Variants in SUCLG1 observed in about 807,000 individuals in gnomAD.
SUCLG1 encodes the protein succinate--CoA ligase [ADP/GDP-forming] subunit alpha, mitochondrial.
SUCLG1 carries 26 observed loss-of-function variants against 37.3 expected under a neutral mutation model. That is an observed-to-expected ratio of 0.70 (90% CI 0.51 to 0.97). SUCLG1 has a LOEUF of 0.97. Among genes scored for constraint, SUCLG1 ranks in the 50% least tolerant of loss-of-function variants. SUCLG1 has a pLI of 0.00. For synonymous variants in SUCLG1, 163 were observed against 155.6 expected (o/e 1.05, Z -0.36); for missense variants, 433 against 432.9 (o/e 1.00, Z 0.00).
intron 5 of SUCLG1, among the ~76,000 whole-genome samples, chr2:84,440,327 C>A (rs1315093553): frequency 2.0e-5 from 3 of 152,150 alleles, no homozygotes; most frequent in Admixed American, 6.5e-5. Context: ...AAGCCGAGAT[C>A]GAGCCATTGC....
Position 84,425,616 on chromosome 2 carries a change from T to C in SUCLG1, c.826-13A>G. On this transcript the variant is annotated splice_polypyrimidine_tract_variant and intron_variant, in intron 7 of 8. Transcript: ENST00000393868. ...TGGAATTTGGACCCTAGAAAGAAAG[T>C]AATATTTTAAATGCTCTAATGAAGA... is the stretch of plus-strand genomic sequence containing the variant. 3 of 1,613,948 alleles carry C rather than the reference T, an allele frequency of 1.9e-6. No individual in the cohort carries two copies. The highest frequency in any genetic ancestry group is 3.3e-5 in the Admixed American group (2 of 60,018).
intron 1 of SUCLG1, among the ~76,000 whole-genome samples, chr2:84,450,524 G>C (rs913793072): frequency 1.3e-5 from 2 of 151,936 alleles, no homozygotes; most frequent in South Asian, 2.1e-4. Context: ...CACAGTAGGA[G>C]GAACATAGAT....
chr2:84,452,159 T>G (rs898380176), intron 1 of SUCLG1, among the ~76,000 whole-genome samples: 38 of 151,392 alleles, frequency 2.5e-4, no homozygotes, highest in African/African-American at 9.2e-4. Flanking sequence ...GGGCCATAAC[T>G]GCGTGGTGTG....
intron 7 of SUCLG1, chr2:84,425,824 T>C (rs966075235): frequency 1.7e-6 from 1 of 574,682 alleles, no homozygotes; most frequent in Non-Finnish European, 3.1e-6. Flanking sequence ...ACTGTGCCAA[T>C]GTCCGTATCT....
chr2:84,431,917 CCT>C (rs893043013), intron 6 of SUCLG1, among the ~76,000 whole-genome samples: 15 of 152,194 alleles, frequency 9.9e-5, no homozygotes, highest in African/African-American at 3.4e-4. Flanking sequence ...CGAAGACAAC[CCT>C]CTTTTTGTTT....
intron 1 of SUCLG1, among the ~76,000 whole-genome samples, chr2:84,453,508 G>C (rs962482007): frequency 6.6e-6 from 1 of 151,766 alleles, no homozygotes; most frequent in Non-Finnish European, 1.5e-5. Context: ...TCCACCTCTC[G>C]GGTTCAAGCA....
chr2:84,441,566 T>A, intron 3 of SUCLG1, 107 bp from the exon 4 acceptor site: 2 of 1,234,566 alleles, frequency 1.6e-6, no homozygotes, highest in Non-Finnish European at 2.3e-6. Context: ...AAAAGGACAC[T>A]ACCCAGAGAC....
chr2:84,444,537 A>ACCACAGGT (rs1485189273), intron 2 of SUCLG1, among the ~76,000 whole-genome samples: 2 of 152,212 alleles, frequency 1.3e-5, no homozygotes, highest in African/African-American at 4.8e-5. Flanking sequence ...GGACCACAGG[A>ACCACAGGT]CCACAGGACC....
intron 1 of SUCLG1, among the ~76,000 whole-genome samples, chr2:84,456,867 T>C (rs1673028753): frequency 6.6e-6 from 1 of 152,136 alleles, no homozygotes; most frequent in Admixed American, 6.5e-5. Flanking sequence ...TTTCACCATC[T>C]TGGCCAGGCT....
chr2:84,423,818 A>T, intron 8 of SUCLG1, 46 bp from the exon 9 acceptor site: 3 of 1,571,800 alleles, frequency 1.9e-6, no homozygotes, highest in Non-Finnish European at 2.6e-6. Context: ...ATGAATAAAG[A>T]TAAAAGATCC....
chr2:84,457,538 C>T (rs929239391), intron 1 of SUCLG1, among the ~76,000 whole-genome samples: 1 of 152,114 alleles, frequency 6.6e-6, no homozygotes, highest in African/African-American at 2.4e-5. Flanking sequence ...GGAACTAGAT[C>T]TTTTAGACAC....
chr2:84,457,110 G>C (rs1673032440), intron 1 of SUCLG1, among the ~76,000 whole-genome samples: 1 of 152,158 alleles, frequency 6.6e-6, no homozygotes, highest in Admixed American at 6.6e-5. Flanking sequence ...AAACTTAACA[G>C]AGGGAACAAA....
At chr2:84,427,379 A>G (rs2104238972) in intron 7 of SUCLG1, among the ~76,000 whole-genome samples, 1 of 152,324 alleles carries the variant, frequency 6.6e-6, no homozygotes, top group Admixed American at 6.5e-5. Context: ...AAAACTCATT[A>G]ATCTGTCTTG....
intron 2 of SUCLG1, chr2:84,448,985 C>G (rs746423666): frequency 1.1e-4 from 42 of 383,670 alleles, no homozygotes; most frequent in Non-Finnish European, 2.2e-4. Context: ...AAAGAAGATT[C>G]TTATGTGGCA....
intron 1 of SUCLG1, among the ~76,000 whole-genome samples, chr2:84,450,412 G>GAAAA (rs79027896): frequency 9.7e-6 from 1 of 103,426 alleles, no homozygotes; most frequent in African/African-American, 3.8e-5. Context: ...AGCTTGTTAG[G>GAAAA]AAAAAAAAAA....
At chr2:84,447,309 C>CAAAA (rs34028894) in intron 2 of SUCLG1, among the ~76,000 whole-genome samples, 1 of 151,224 alleles carries the variant, frequency 6.6e-6, no homozygotes, top group African/African-American at 2.4e-5. Context: ...TTAAAAACAA[C>CAAAA]AAAAAAAAGG....
At chr2:84,435,317 T>G (rs1333370344) in intron 5 of SUCLG1, among the ~76,000 whole-genome samples, 1 of 152,244 alleles carries the variant, frequency 6.6e-6, no homozygotes, top group Non-Finnish European at 1.5e-5. Flanking sequence ...AATTTCCTTC[T>G]CTAAATCTCC....
At chr2:84,432,211 C>G in intron 6 of SUCLG1, 1 of 161,742 alleles carries the variant, frequency 6.2e-6, no homozygotes, top group Non-Finnish European at 1.3e-5. Flanking sequence ...GCATGCATAT[C>G]AGAGCCATAC....
chr2:84,428,556 C>G (rs1171356545), intron 7 of SUCLG1, among the ~76,000 whole-genome samples: 1 of 152,134 alleles, frequency 6.6e-6, no homozygotes, highest in Non-Finnish European at 1.5e-5. Context: ...CCCTGTTCCC[C>G]AAAAAGTGGG....
Sources: gnomAD v4.1 joint callset for allele counts (sites outside exome capture counted in the v4.1 genomes callset) on GRCh38, gnomAD v4.1.1 for gene constraint, MANE v1.5 for transcripts, NCBI Gene and HGNC (gene_info 2026-07-23, HGNC 2026-07-21) for gene names.